ARMC8: variants seen among roughly 807,000 people sequenced by gnomAD.
ARMC8 encodes armadillo repeat containing 8.
Under a neutral mutation model 99.3 loss-of-function variants are expected in ARMC8, and 20 were observed. That is an observed-to-expected ratio of 0.20 (90% CI 0.14 to 0.29). The LOEUF (loss-of-function observed/expected upper bound fraction) is 0.29, where lower values mean the gene tolerates loss of function less well. Ranked by LOEUF, ARMC8 falls within the 10% of genes least tolerant of loss-of-function variation. The probability of loss-of-function intolerance (pLI) is 1.00; values close to 1 mark genes in which losing one functional copy is unlikely to be tolerated. For synonymous variants in ARMC8, 263 were observed against 278.3 expected (o/e 0.95, Z 0.55); for missense variants, 569 against 809.5 (o/e 0.70, Z 3.60).
At chr3:138,195,469 A>G (rs1329223893) in intron 1 of ARMC8, among the ~76,000 whole-genome samples, 6 of 152,188 alleles carry the variant, frequency 3.9e-5, no homozygotes, top group African/African-American at 9.7e-5. Context: ...AAGTCTTTTA[A>G]ACTCTGCAAA....
At chr3:138,257,802 A>G (rs1560000507) in intron 12 of ARMC8, among the ~76,000 whole-genome samples, 1 of 152,198 alleles carries the variant, frequency 6.6e-6, no homozygotes, top group Non-Finnish European at 1.5e-5. Flanking sequence ...CGCACCCAGC[A>G]GGTCCAGTCT....
chr3:138,194,588 T>A (rs532969766), intron 1 of ARMC8, among the ~76,000 whole-genome samples: 75 of 149,838 alleles, frequency 5.0e-4, no homozygotes, highest in Non-Finnish European at 8.2e-4. Context: ...TCTGCCCACC[T>A]TGGCCTCCCA....
intron 2 of ARMC8, among the ~76,000 whole-genome samples, chr3:138,214,727 A>G (rs1040027024): frequency 1.3e-5 from 2 of 152,160 alleles, no homozygotes; most frequent in African/African-American, 4.8e-5. Context: ...CGTGATCTCA[A>G]CTCACTGCAA....
chr3:138,243,075 C>T (rs982685586), intron 11 of ARMC8, among the ~76,000 whole-genome samples: 1 of 152,182 alleles, frequency 6.6e-6, no homozygotes, highest in African/African-American at 2.4e-5. Context: ...TACAAAGATA[C>T]ATGAGCAACC....
chr3:138,201,571 C>T (rs1053799717), intron 1 of ARMC8, among the ~76,000 whole-genome samples: 13 of 149,886 alleles, frequency 8.7e-5, no homozygotes, highest in African/African-American at 2.5e-4. Context: ...AAGCGATTCT[C>T]GTGCCTCAGC....
chr3:138,277,858 G>A (rs1425211040), intron 18 of ARMC8, among the ~76,000 whole-genome samples: 3 of 152,112 alleles, frequency 2.0e-5, no homozygotes, highest in Non-Finnish European at 4.4e-5. Context: ...TCAAAAATTA[G>A]AAATTAACAT....
At chr3:138,230,084 T>A (rs921970767) in intron 6 of ARMC8, among the ~76,000 whole-genome samples, 3 of 152,220 alleles carry the variant, frequency 2.0e-5, no homozygotes, top group African/African-American at 7.2e-5. Context: ...TCAGTACTAT[T>A]TAAGATTTTT....
chr3:138,294,436 C>G (rs2051275557), intron 21 of ARMC8, among the ~76,000 whole-genome samples: 1 of 152,122 alleles, frequency 6.6e-6, no homozygotes, highest in Non-Finnish European at 1.5e-5. Context: ...TGAAAATGTC[C>G]TTGTAGAACC....
At chr3:138,292,914 C>T (rs1316791322) in intron 21 of ARMC8, among the ~76,000 whole-genome samples, 1 of 152,152 alleles carries the variant, frequency 6.6e-6, no homozygotes, top group African/African-American at 2.4e-5. Flanking sequence ...GGCAGAGACT[C>T]AGGCGCATAA....
intron 11 of ARMC8, among the ~76,000 whole-genome samples, chr3:138,243,660 ATT>A (rs2046739101): frequency 6.6e-6 from 1 of 152,090 alleles, no homozygotes; most frequent in African/African-American, 2.4e-5. Context: ...AAATATATAT[ATT>A]GTCTTTTGCT....
intron 1 of ARMC8, among the ~76,000 whole-genome samples, chr3:138,198,064 G>A (rs183389769): frequency 2.0e-5 from 3 of 152,188 alleles, no homozygotes; most frequent in African/African-American, 4.8e-5. Context: ...ATGTGGTGCC[G>A]TACACCTGTA....
intron 18 of ARMC8, among the ~76,000 whole-genome samples, chr3:138,276,566 A>G (rs1275301432): frequency 2.0e-5 from 3 of 152,336 alleles, no homozygotes; most frequent in Non-Finnish European, 2.9e-5. Flanking sequence ...AAATTCTAGA[A>G]CTAATAAATG....
intron 21 of ARMC8, among the ~76,000 whole-genome samples, chr3:138,292,733 G>A (rs1404921807): frequency 6.6e-6 from 1 of 152,186 alleles, no homozygotes; most frequent in East Asian, 1.9e-4. Flanking sequence ...ACTTGGAAGA[G>A]CAGGGCTATA....
chr3:138,194,807 G>GA (rs919050824), intron 1 of ARMC8, among the ~76,000 whole-genome samples: 1 of 151,596 alleles, frequency 6.6e-6, no homozygotes, highest in Admixed American at 6.6e-5. Flanking sequence ...CAATAATTAG[G>GA]AAAAAAAATT....
rs774263867 is a variant in ARMC8 at position 138,295,925 on chromosome 3, A to G, written c.*33A>G. The G allele has an allele frequency of 6.2e-7, 1 of 1,610,730 alleles. No individual in the cohort carries two copies. Among genetic ancestry groups the G allele is most frequent in the Admixed American group, 1.7e-5 (1 of 59,612 alleles). ...GCCCCTGGGCACCTGCGAGCATCCC[A>G]CCTCCTTGTTTAAGGAAGTACAGGA... On this transcript the variant is annotated 3_prime_UTR_variant, in exon 22 of 22. Coordinates refer to ENST00000469044, the MANE Select transcript of ARMC8 (RefSeq NM_001363941.2).
chr3:138,243,866 A>G (rs1156645285), intron 11 of ARMC8, among the ~76,000 whole-genome samples: 1 of 152,218 alleles, frequency 6.6e-6, no homozygotes, highest in Non-Finnish European at 1.5e-5. Flanking sequence ...CAACACCTAC[A>G]TCATTGGATG....
At chr3:138,291,443 T>C (rs564559554) in intron 21 of ARMC8, among the ~76,000 whole-genome samples, 10 of 152,364 alleles carry the variant, frequency 6.6e-5, no homozygotes, top group Non-Finnish European at 1.2e-4. Context: ...CATTCATTCA[T>C]CAGATATCTC....
Position 138,237,324 on chromosome 3 carries a change from C to A in ARMC8, c.625C>A (p.Leu209Met), listed in dbSNP as rs756281374. ...SLSYKVRMQA[L>M]KCFSVLAFEN... The stretch of plus-strand genomic sequence containing the variant: ...ATTTTTACAGGTTCGAATGCAAGCA[C>A]TGAAATGTTTCTCAGTTTTAGCTTT... The change falls in exon 8 of 22, where the codon CTG becomes ATG. Residue 209 changes from leucine to methionine, a missense_variant. This residue lies in a region of ARMC8 where 342 missense variants were observed against 391.6 expected (regional missense o/e 0.87). Transcript: ENST00000469044. 1.9e-6 allele frequency: 3 copies of A among 1,613,360 alleles called. No homozygotes were observed. Among genetic ancestry groups the A allele is most frequent in the Non-Finnish European group, 2.5e-6 (3 of 1,179,852 alleles).
At chr3:138,245,857 C>T in intron 12 of ARMC8, 1 of 985,592 alleles carries the variant, frequency 1.0e-6, no homozygotes, top group Non-Finnish European at 1.2e-6. Context: ...GCTCCTTCCA[C>T]AAACCAAAAA....
Sources: gnomAD v4.1 joint callset for allele counts (sites outside exome capture counted in the v4.1 genomes callset) on GRCh38, gnomAD v4.1.1 for gene constraint, gnomAD v4.1.1 regional missense constraint, MANE v1.5 for transcripts, NCBI Gene and HGNC (gene_info 2026-07-23, HGNC 2026-07-21) for gene names.